The following AGAP1 variants were observed in gnomAD, a reference collection of about 807,000 sequenced individuals.
The protein encoded by AGAP1 is arf-GAP with GTPase, ANK repeat and PH domain-containing protein 1.
A neutral mutation model predicts 105.3 loss-of-function variants in AGAP1; 29 were observed. The ratio of observed to expected loss-of-function variants is 0.28; its 90% confidence interval spans 0.21 to 0.38. The LOEUF is 0.38. AGAP1 is among the 10% of genes least tolerant of loss of function. AGAP1 has a pLI of 1.00. For missense variants in AGAP1, 998 were observed against 1,165.1 expected, an observed-to-expected ratio of 0.86 and a Z score of 2.09; for synonymous variants, 509 against 485.9, an observed-to-expected ratio of 1.05 and a Z score of -0.63.
rs2049916446 is a variant in AGAP1 at position 235,879,770 on chromosome 2, A to G, written c.1051-3575A>G. Among the ~76,000 whole-genome samples, 1 of 152,088 alleles carries G rather than the reference A, an allele frequency of 6.6e-6. No homozygotes were observed. The highest frequency in any genetic ancestry group is 2.4e-5 in the African/African-American group (1 of 41,412). On this transcript the variant is annotated intron_variant, in intron 9 of 17. Transcript: ENST00000304032. The surrounding 1 kb of genome is among the most constrained non-coding windows in gnomAD (Gnocchi z 5.0). ...TGATGAGACCCTGTCTCTACAAAAA[A>G]TAAAATAAAAAATTAGACAGACATG...
chr2:235,514,185 T>C (rs952066146), intron 1 of AGAP1, among the ~76,000 whole-genome samples: 13 of 149,042 alleles, frequency 8.7e-5, no homozygotes, highest in African/African-American at 2.0e-4. Context: ...CACACACACA[T>C]ACCTCCTCTC....
In AGAP1 at chr2:236,104,426, G is replaced by T. The variant is rs531729322; in HGVS notation, c.2115-15766G>T. The stretch of plus-strand genomic sequence containing the variant: ...CCTCATCAAATGACTCCCCAACAGG[G>T]GTGGATCCTGCCCCTCGACCAGCAC... On this transcript the variant is annotated intron_variant, in intron 16 of 17. Transcript: ENST00000304032. This position sits in a 1 kb window ranked among gnomAD's most constrained non-coding sequence, Gnocchi z 4.7. 3.3e-5 allele frequency among the ~76,000 whole-genome samples: 5 copies of T among 152,322 alleles called. No individual in the cohort carries two copies. The highest frequency in any genetic ancestry group is 9.6e-5 in the African/African-American group (4 of 41,572).
intron 10 of AGAP1, among the ~76,000 whole-genome samples, chr2:235,892,028 C>A (rs1197999983): frequency 6.6e-6 from 1 of 152,098 alleles, no homozygotes; most frequent in Non-Finnish European, 1.5e-5. Context: ...CTGGTGGGTG[C>A]CTGTAATCCC....
intron 13 of AGAP1, among the ~76,000 whole-genome samples, chr2:236,032,214 T>G (rs2057245299): frequency 6.6e-6 from 1 of 152,186 alleles, no homozygotes; most frequent in African/African-American, 2.4e-5. Flanking sequence ...TCCAAGTCAT[T>G]GATAAAACAT....
At chr2:235,523,528 G>A (rs1269539265) in intron 1 of AGAP1, among the ~76,000 whole-genome samples, 1 of 152,162 alleles carries the variant, frequency 6.6e-6, no homozygotes, top group African/African-American at 2.4e-5. Context: ...GCAGGTTCCT[G>A]TGCCCATGTC....
At chr2:236,018,870 A>C (rs934179652) in intron 13 of AGAP1, among the ~76,000 whole-genome samples, 1 of 152,208 alleles carries the variant, frequency 6.6e-6, no homozygotes, top group African/African-American at 2.4e-5. Context: ...AGTGGGCCAG[A>C]TCGCTGGAAC....
intron 11 of AGAP1, among the ~76,000 whole-genome samples, chr2:235,917,476 TTCTCCCTC>T (rs947449856): frequency 2.6e-5 from 4 of 152,150 alleles, no homozygotes; most frequent in South Asian, 2.1e-4. Context: ...CTCGTCCTCT[TTCTCCCTC>T]TCTCCCTCTC....
At chr2:236,107,327 G>A (rs1466158294) in intron 16 of AGAP1, among the ~76,000 whole-genome samples, 1 of 152,180 alleles carries the variant, frequency 6.6e-6, no homozygotes, top group Non-Finnish European at 1.5e-5. Context: ...ACACCAAACA[G>A]ACCCTTGGGT....
intron 12 of AGAP1, among the ~76,000 whole-genome samples, chr2:235,947,632 C>T (rs2053556522): frequency 6.6e-6 from 1 of 152,170 alleles, no homozygotes; most frequent in Non-Finnish European, 1.5e-5. Flanking sequence ...GATCTGTCAT[C>T]TCCCCCCGAC....
At chr2:235,868,004 A>G (rs1014576776) in intron 9 of AGAP1, among the ~76,000 whole-genome samples, 1 of 152,188 alleles carries the variant, frequency 6.6e-6, no homozygotes, top group Non-Finnish European at 1.5e-5. Context: ...TATTAAATGC[A>G]AATGTGTGAT....
chr2:236,039,475 C>T (rs1369773436), intron 14 of AGAP1, among the ~76,000 whole-genome samples: 1 of 152,172 alleles, frequency 6.6e-6, no homozygotes, highest in African/African-American at 2.4e-5. Flanking sequence ...AGTACATATC[C>T]TTTCACTTAG....
chr2:235,555,306 C>G lies in AGAP1; in HGVS notation c.163+60457C>G, dbSNP rs1174794186. On this transcript the variant is annotated intron_variant, in intron 1 of 17. Transcript: ENST00000304032. This position sits in a 1 kb window ranked among gnomAD's most constrained non-coding sequence, Gnocchi z 5.1. Reference sequence around the variant, plus strand: ...TCTTTGTGTTCGTTGGTCTCCATTTCTAGTGTCTGAGTAAAGGCAGTCCCC... The same window carrying G: ...TCTTTGTGTTCGTTGGTCTCCATTTGTAGTGTCTGAGTAAAGGCAGTCCCC... 6.6e-6 allele frequency among the ~76,000 whole-genome samples: 1 copy of G among 152,178 alleles called. No homozygotes were observed. Among genetic ancestry groups the G allele is most frequent in the Admixed American group, 6.5e-5 (1 of 15,280 alleles).
Position 235,612,870 on chromosome 2 carries a change from C to A in AGAP1, c.164-96309C>A, listed in dbSNP as rs191182508. On this transcript the variant is annotated intron_variant, in intron 1 of 17. Coordinates refer to ENST00000304032, the MANE Select transcript of AGAP1 (RefSeq NM_001037131.3). The surrounding 1 kb of genome is among the most constrained non-coding windows in gnomAD (Gnocchi z 4.3). ...CTGGCTTCTGCTTCCAGTGAGACTC[C>A]GCCCAGGTTATGTTTGTGGCCTTTT... Among the ~76,000 whole-genome samples the A allele has an allele frequency of 6.6e-6, 1 of 152,158 alleles. No individual in the cohort carries two copies. The highest frequency in any genetic ancestry group is 6.5e-5 in the Admixed American group (1 of 15,278).
intron 1 of AGAP1, among the ~76,000 whole-genome samples, chr2:235,702,706 A>C (rs7585376): frequency 0.83 from 126,045 of 152,112 alleles, 52,904 homozygotes; most frequent in African/African-American, 0.95. Context: ...CACTATTCAA[A>C]CATATTTGAC....
chr2:235,549,629 G>A lies in AGAP1; in HGVS notation c.163+54780G>A, dbSNP rs1943738381. 6.6e-6 allele frequency among the ~76,000 whole-genome samples: 1 copy of A among 152,146 alleles called. No homozygotes were observed. The highest frequency in any genetic ancestry group is 1.5e-5 in the Non-Finnish European group (1 of 68,034). On this transcript the variant is annotated intron_variant, in intron 1 of 17. Coordinates refer to ENST00000304032, the MANE Select transcript of AGAP1 (RefSeq NM_001037131.3). The surrounding 1 kb of genome is among the most constrained non-coding windows in gnomAD (Gnocchi z 4.2). ...ACTTTTGTTTCTTTAAAACTCCTTGGCACCATCTAATTTTTTAAAAATGAG... is the reference window on the plus strand; with the variant it reads ...ACTTTTGTTTCTTTAAAACTCCTTGACACCATCTAATTTTTTAAAAATGAG...
At position 235,927,531 on chromosome 2, in the gene AGAP1, G is replaced by A. The variant is rs938022641; in HGVS notation, c.1325-3234G>A. 7.9e-5 allele frequency among the ~76,000 whole-genome samples: 12 copies of A among 152,158 alleles called. No homozygotes were observed. The highest frequency in any genetic ancestry group is 2.6e-4 in the Admixed American group (4 of 15,284). The stretch of plus-strand genomic sequence containing the variant: ...TTCCTTTTTGGCAGTGTGATGTTTG[G>A]CCATGAGATGAAGAACTCATAAACC... On this transcript the variant is annotated intron_variant, in intron 11 of 17. Coordinates refer to ENST00000304032, the MANE Select transcript of AGAP1 (RefSeq NM_001037131.3). The surrounding 1 kb of genome is among the most constrained non-coding windows in gnomAD (Gnocchi z 4.4).
chr2:235,999,688 T>TGGTGAGA (rs2056026143), intron 13 of AGAP1, among the ~76,000 whole-genome samples: 2 of 151,744 alleles, frequency 1.3e-5, no homozygotes, highest in Admixed American at 6.6e-5. Context: ...GTGGTGGTCG[T>TGGTGAGA]GGTGGTGATG....
At chr2:235,533,264 G>A (rs979768312) in intron 1 of AGAP1, among the ~76,000 whole-genome samples, 1 of 152,148 alleles carries the variant, frequency 6.6e-6, no homozygotes, top group African/African-American at 2.4e-5. Context: ...TGATGAAAGA[G>A]GTTTTGACTT....
intron 12 of AGAP1, among the ~76,000 whole-genome samples, chr2:235,937,204 C>G (rs1420543270): frequency 6.6e-6 from 1 of 152,172 alleles, no homozygotes; most frequent in Non-Finnish European, 1.5e-5. Flanking sequence ...CTGGGCACTC[C>G]CTGCCTCACC....
Sources: allele counts gnomAD v4.1 joint callset (sites outside exome capture counted in the v4.1 genomes callset), GRCh38; gene constraint gnomAD v4.1.1; non-coding constraint Gnocchi (gnomAD v3.1); transcripts MANE v1.5; gene names NCBI Gene and HGNC (gene_info 2026-07-23, HGNC 2026-07-21).